The following TRIM33 variants were observed in gnomAD, a reference collection of about 807,000 sequenced individuals.
TRIM33 encodes tripartite motif containing 33.
Under a neutral mutation model 125.4 loss-of-function variants are expected in TRIM33, and 20 were observed. That is an observed-to-expected ratio of 0.16 (90% CI 0.11 to 0.23). TRIM33 has a LOEUF of 0.23. TRIM33 is among the 10% of genes least tolerant of loss of function. The pLI, the probability that TRIM33 is intolerant of heterozygous loss-of-function variation, is 1.00. For synonymous variants in TRIM33, 564 were observed against 513.9 expected (o/e 1.10, Z -1.32); for missense variants, 920 against 1,411.4 (o/e 0.65, Z 5.58).
chr1:114,493,876 G>C (rs534516584), intron 1 of TRIM33, among the ~76,000 whole-genome samples: 2 of 152,158 alleles, frequency 1.3e-5, no homozygotes, highest in Non-Finnish European at 2.9e-5. Flanking sequence ...TGCCAGGCTG[G>C]AGTGCAGTGG....
At chr1:114,486,183 G>A (rs555800927) in intron 1 of TRIM33, among the ~76,000 whole-genome samples, 1 of 152,188 alleles carries the variant, frequency 6.6e-6, no homozygotes, top group Non-Finnish European at 1.5e-5. Context: ...GGCTGAGGCA[G>A]GAGAATTGCT....
chr1:114,427,839 C>A lies in TRIM33; in HGVS notation c.1211G>T (p.Gly404Val). The A allele has an allele frequency of 6.2e-7, 1 of 1,614,150 alleles. No individual in the cohort carries two copies. Among genetic ancestry groups the A allele is most frequent in the Non-Finnish European group, 8.5e-7 (1 of 1,180,018 alleles). Residue 404 changes from glycine (G) to valine (V), a missense_variant, in exon 7 of 20, where the codon GGC becomes GTC. Coordinates refer to ENST00000358465, the MANE Select transcript of TRIM33 (RefSeq NM_015906.4). Reference sequence around the variant, plus strand: ...AACATGCTTCACCTGCCGGGAAAGGCCTGTGATGTCATTCTGCTGCTGTAG... The same window carrying A: ...AACATGCTTCACCTGCCGGGAAAGGACTGTGATGTCATTCTGCTGCTGTAG... ...KLLQQQNDITGLSRQVKHVMN... is the reference protein window; with the variant it reads ...KLLQQQNDITVLSRQVKHVMN...
At chr1:114,493,460 G>A (rs1652189310) in intron 1 of TRIM33, among the ~76,000 whole-genome samples, 1 of 151,910 alleles carries the variant, frequency 6.6e-6, no homozygotes, top group East Asian at 1.9e-4. Context: ...TCTTTGTTTT[G>A]TTTTTGTAGA....
intron 1 of TRIM33, among the ~76,000 whole-genome samples, chr1:114,480,573 AAAAACT>A (rs1259012550): frequency 1.3e-5 from 2 of 151,870 alleles, no homozygotes; most frequent in Non-Finnish European, 2.9e-5. Flanking sequence ...AAACTAAAAC[AAAAACT>A]AAAAGAAAAT....
intron 11 of TRIM33, among the ~76,000 whole-genome samples, chr1:114,410,902 T>C (rs1421368891): frequency 6.6e-6 from 1 of 152,202 alleles, no homozygotes; most frequent in Non-Finnish European, 1.5e-5. Flanking sequence ...GTCAGTTTCC[T>C]ATCCTTAAAA....
At chr1:114,408,436 C>G (rs1652383353) in intron 13 of TRIM33, among the ~76,000 whole-genome samples, 1 of 150,880 alleles carries the variant, frequency 6.6e-6, no homozygotes, top group Non-Finnish European at 1.5e-5. Flanking sequence ...TTTTAAAGTT[C>G]CTTTCATTAA....
intron 1 of TRIM33, among the ~76,000 whole-genome samples, chr1:114,466,061 A>G (rs973028547): frequency 3.3e-5 from 5 of 152,088 alleles, no homozygotes; most frequent in African/African-American, 4.8e-5. Context: ...ATAAATAAAT[A>G]AAAAGATCTT....
At chr1:114,458,196 A>G (rs1336260059) in intron 4 of TRIM33, among the ~76,000 whole-genome samples, 1 of 152,192 alleles carries the variant, frequency 6.6e-6, no homozygotes, top group African/African-American at 2.4e-5. Flanking sequence ...GAAAGGCTAT[A>G]AGGTTAGAAT....
At chr1:114,448,446 G>A (rs1443354055) in intron 4 of TRIM33, among the ~76,000 whole-genome samples, 1 of 152,264 alleles carries the variant, frequency 6.6e-6, no homozygotes, top group Non-Finnish European at 1.5e-5. Context: ...CAACATTAAC[G>A]GTCTACTTGA....
intron 1 of TRIM33, among the ~76,000 whole-genome samples, chr1:114,489,188 G>C (rs942446211): frequency 6.6e-6 from 1 of 152,212 alleles, no homozygotes; most frequent in Non-Finnish European, 1.5e-5. Flanking sequence ...ATGGAGGACA[G>C]AGTAGTCTTT....
In TRIM33 at chr1:114,430,840, A is replaced by G. The variant is rs1647900158; in HGVS notation, c.1113T>C (p.Asn371=). Residue 371 remains asparagine (N), a synonymous_variant, in exon 6 of 20, where the codon AAT becomes AAC. Coordinates refer to ENST00000358465, the MANE Select transcript of TRIM33 (RefSeq NM_015906.4). The stretch of plus-strand genomic sequence containing the variant: ...GAGATTTTCCTTTCTTATTAATTTC[A>G]TTGATAAGGGTGAAAATGGCCACTT... The part of the protein sequence containing the change: ...EIKVAIFTLI[N]EINKKGKSLL... The G allele has an allele frequency of 2.5e-6, 4 of 1,609,622 alleles. No homozygotes were observed. Among genetic ancestry groups the G allele is most frequent in the Non-Finnish European group, 3.4e-6 (4 of 1,176,194 alleles).
chr1:114,402,640 G>C, intron 16 of TRIM33, 120 bp downstream of exon 16: 2 of 1,179,410 alleles, frequency 1.7e-6, no homozygotes, highest in East Asian at 4.9e-5. Flanking sequence ...ACCATCAGAT[G>C]ACAGGATTAA....
rs541192433 is a variant in TRIM33, at chr1:114,437,429, C to T, written c.924-3696G>A. ...TTTCGGCTCACTGCAACTTGTACCT[C>T]CTGGGTGCAAGCGATTCTCCTGCCT... On this transcript the variant is annotated intron_variant, in intron 4 of 19. Coordinates refer to ENST00000358465, the MANE Select transcript of TRIM33 (RefSeq NM_015906.4). Among the ~76,000 whole-genome samples the T allele has an allele frequency of 2.6e-5, 4 of 152,274 alleles. No individual in the cohort carries two copies. In the South Asian group the frequency reaches 8.3e-4, roughly 32 times the overall value.
At chr1:114,488,370 T>C (rs918708235) in intron 1 of TRIM33, among the ~76,000 whole-genome samples, 1 of 151,990 alleles carries the variant, frequency 6.6e-6, no homozygotes, top group Non-Finnish European at 1.5e-5. Context: ...ACACATGAAC[T>C]AAATAAAGAC....
chr1:114,453,345 CAGAG>C (rs1028893922), intron 4 of TRIM33, among the ~76,000 whole-genome samples: 2 of 144,980 alleles, frequency 1.4e-5, no homozygotes, highest in Admixed American at 6.9e-5. Flanking sequence ...GCCTGGGCAA[CAGAG>C]AGAGTCTGTC....
intron 1 of TRIM33, among the ~76,000 whole-genome samples, chr1:114,510,290 T>A (rs371768096): frequency 3.3e-5 from 5 of 152,216 alleles, no homozygotes; most frequent in African/African-American, 1.2e-4. Flanking sequence ...TCGGCCGGGT[T>A]CCGCACATCA....
intron 1 of TRIM33, among the ~76,000 whole-genome samples, chr1:114,484,169 G>A (rs1251934275): frequency 6.6e-6 from 1 of 152,164 alleles, no homozygotes; most frequent in Non-Finnish European, 1.5e-5. Context: ...TTAAGAGCTT[G>A]TTAGTGTGTT....
chr1:114,420,455 T>A, intron 11 of TRIM33: 1 of 1,332,076 alleles, frequency 7.5e-7, no homozygotes, highest in South Asian at 1.2e-5. Flanking sequence ...CGTTTGCCTG[T>A]GGCAGGTGTA....
rs985322403 is a variant in TRIM33 at position 114,511,127 on chromosome 1, TCGC to T, written c.-54_-52del. The T allele has an allele frequency of 9.6e-5, 105 of 1,099,052 alleles. No individual in the cohort carries two copies. Among genetic ancestry groups the T allele is most frequent in the East Asian group, 6.3e-4 (11 of 17,460 alleles). 68.1% of individuals were successfully genotyped at this position (1,099,052 alleles called of 1,614,324 possible). A position where few individuals can be genotyped will look rare whatever the true frequency, so the allele number is the denominator to read the frequency against. On this transcript the variant is annotated 5_prime_UTR_variant, in exon 1 of 20. Coordinates refer to ENST00000358465, the MANE Select transcript of TRIM33 (RefSeq NM_015906.4). The stretch of plus-strand genomic sequence containing the variant: ...CGCCCCGCGCCGCCCGCCGCCCGCG[TCGC>T]CGCCGCCGCCGCCCCCAGCCCCAGC...
Sources: allele counts gnomAD v4.1 joint callset (sites outside exome capture counted in the v4.1 genomes callset), GRCh38; gene constraint gnomAD v4.1.1; transcripts MANE v1.5; gene names NCBI Gene and HGNC (gene_info 2026-07-23, HGNC 2026-07-21).